The following SIAH3 variants were observed in gnomAD, a reference collection of about 807,000 sequenced individuals.
The protein encoded by SIAH3 is siah E3 ubiquitin protein ligase family member 3, also known as seven in absentia homolog 3.
SIAH3 carries 9 observed loss-of-function variants against 12.6 expected under a neutral mutation model. The observed-to-expected ratio is 0.72, with a 90% CI of 0.43 to 1.25. SIAH3 has a LOEUF of 1.25. Ranked by LOEUF, SIAH3 falls within the 50% of genes most tolerant of loss-of-function variation. The pLI, the probability that SIAH3 is intolerant of heterozygous loss-of-function variation, is 0.00. For synonymous variants in SIAH3, 154 were observed against 151.1 expected (o/e 1.02, Z -0.14); for missense variants, 390 against 365.4 (o/e 1.07, Z -0.55).
intron 1 of SIAH3, among the ~76,000 whole-genome samples, chr13:45,825,046 G>A (rs1397923661): frequency 6.6e-6 from 1 of 151,980 alleles, no homozygotes; most frequent in Non-Finnish European, 1.5e-5. Context: ...CAGTATCGTG[G>A]GTGCTTAATA....
At chr13:45,847,064 C>A (rs567596114) in intron 1 of SIAH3, among the ~76,000 whole-genome samples, 15 of 152,320 alleles carry the variant, frequency 9.8e-5, no homozygotes, top group Admixed American at 3.9e-4. Context: ...TACCCTTTAT[C>A]CAGCCCCTCT....
In SIAH3 at chr13:45,780,378, C is replaced by G. The variant is rs774103833; in HGVS notation, c.*3005G>C. 2.6e-5 allele frequency: 4 copies of G among 152,182 alleles called. No individual in the cohort carries two copies. Among genetic ancestry groups the G allele is most frequent in the East Asian group, 3.9e-4 (2 of 5,192 alleles). 9.4% of individuals were successfully genotyped at this position (152,182 alleles called of 1,614,324 possible). On this transcript the variant is annotated 3_prime_UTR_variant, in exon 2 of 2. Coordinates refer to ENST00000400405, the MANE Select transcript of SIAH3 (RefSeq NM_198849.3). The stretch of plus-strand genomic sequence containing the variant: ...CCTCAACCTCCTGGGCTCAAGCCAT[C>G]CCCCTGTCTTGGCCTCCGAGTAGTT...
intron 1 of SIAH3, among the ~76,000 whole-genome samples, chr13:45,821,030 C>T (rs958613829): frequency 1.3e-5 from 2 of 152,174 alleles, no homozygotes; most frequent in African/African-American, 4.8e-5. Context: ...GAATAGTCTC[C>T]CAAAAAGATG....
chr13:45,849,343 T>C (rs1236216584), intron 1 of SIAH3, among the ~76,000 whole-genome samples: 1 of 152,210 alleles, frequency 6.6e-6, no homozygotes, highest in African/African-American at 2.4e-5. Flanking sequence ...AAAGCATACG[T>C]CATCCATTTT....
intron 1 of SIAH3, among the ~76,000 whole-genome samples, chr13:45,796,932 G>C (rs926592646): frequency 3.9e-5 from 6 of 152,110 alleles, no homozygotes; most frequent in Non-Finnish European, 8.8e-5. Context: ...AAAATCTTAG[G>C]CTTGGGGGGC....
At chr13:45,815,877 C>T (rs1421127361) in intron 1 of SIAH3, among the ~76,000 whole-genome samples, 1 of 152,252 alleles carries the variant, frequency 6.6e-6, no homozygotes, top group Non-Finnish European at 1.5e-5. Flanking sequence ...GTTAAGGTGA[C>T]ATGGCAGTAC....
intron 1 of SIAH3, among the ~76,000 whole-genome samples, chr13:45,842,267 C>T (rs1046143548): frequency 1.3e-5 from 2 of 152,172 alleles, no homozygotes; most frequent in African/African-American, 4.8e-5. Context: ...GCAGGACTCA[C>T]CTACTAGTAA....
intron 1 of SIAH3, among the ~76,000 whole-genome samples, chr13:45,810,956 G>A (rs148235761): frequency 2.0e-5 from 3 of 152,294 alleles, no homozygotes; most frequent in Non-Finnish European, 4.4e-5. Flanking sequence ...GGCTTCCATG[G>A]ACATGTGGTT....
chr13:45,810,210 A>C (rs1219327958), intron 1 of SIAH3, among the ~76,000 whole-genome samples: 1 of 152,190 alleles, frequency 6.6e-6, no homozygotes, highest in Non-Finnish European at 1.5e-5. Flanking sequence ...GACTACCCAA[A>C]GGAGATCAGA....
chr13:45,839,263 G>T (rs1593388422), intron 1 of SIAH3, among the ~76,000 whole-genome samples: 2 of 150,992 alleles, frequency 1.3e-5, no homozygotes, highest in South Asian at 4.2e-4. Context: ...TAGAGAAAAA[G>T]CAGCCTGTTT....
rs369241151 is a variant in SIAH3 at position 45,820,602 on chromosome 13, G to A, written c.135+30893C>T. 8.9e-4 allele frequency among the ~76,000 whole-genome samples: 135 copies of A among 152,228 alleles called. 1 individual carries two copies. The highest frequency in any genetic ancestry group is 3.4e-3 in the Middle Eastern group (1 of 294). On this transcript the variant is annotated intron_variant, in intron 1 of 1. Transcript: ENST00000400405. ...GTGGGTGGTAGAGCCAGGCAATTTC[G>A]GAGGACTATTGAACAGCAGCATTCC... is the stretch of plus-strand genomic sequence containing the variant.
At chr13:45,805,271 A>G (rs1441804777) in intron 1 of SIAH3, among the ~76,000 whole-genome samples, 4 of 152,106 alleles carry the variant, frequency 2.6e-5, no homozygotes, top group African/African-American at 9.7e-5. Context: ...GAATAGCCAA[A>G]GCAATATGAA....
rs1336959635 is a variant in SIAH3 at position 45,778,133 on chromosome 13, C to T, written c.*5250G>A. The T allele has an allele frequency of 6.6e-6, 1 of 152,154 alleles. No homozygotes were observed. Among genetic ancestry groups the T allele is most frequent in the Non-Finnish European group, 1.5e-5 (1 of 68,026 alleles). The allele number at this position is 152,154 out of a possible 1,614,324, so 9.4% of individuals were successfully genotyped here. A position where few individuals can be genotyped will look rare whatever the true frequency, so the allele number is the denominator to read the frequency against. On this transcript the variant is annotated 3_prime_UTR_variant, in exon 2 of 2. Transcript: ENST00000400405. ...ATGTTTTCTGTCCCTCAGCTTCATG[C>T]TTTACGGGGGTCCCACTTTTGTGAT...
intron 1 of SIAH3, among the ~76,000 whole-genome samples, chr13:45,794,704 G>A (rs1950556912): frequency 1.3e-5 from 2 of 152,108 alleles, no homozygotes; most frequent in Non-Finnish European, 2.9e-5. Flanking sequence ...CCTTGATTGT[G>A]AGGCCTCCCC....
intron 1 of SIAH3, among the ~76,000 whole-genome samples, chr13:45,817,835 T>C (rs934597716): frequency 6.6e-6 from 1 of 152,206 alleles, no homozygotes; most frequent in Non-Finnish European, 1.5e-5. Context: ...ATTCTAGAGA[T>C]GAAAATCTGG....
intron 1 of SIAH3, among the ~76,000 whole-genome samples, chr13:45,788,692 A>G (rs1000076733): frequency 2.0e-5 from 3 of 152,156 alleles, no homozygotes; most frequent in African/African-American, 7.2e-5. Flanking sequence ...TGGAAATACT[A>G]CATGACCCTT....
intron 1 of SIAH3, among the ~76,000 whole-genome samples, chr13:45,806,667 A>G (rs1194560573): frequency 6.6e-6 from 1 of 152,186 alleles, no homozygotes; most frequent in African/African-American, 2.4e-5. Context: ...AGCCTTAGTG[A>G]CACGTCATTT....
rs147427048 is a variant in SIAH3, at chr13:45,796,156, T to A, written c.136-12099A>T. Among the ~76,000 whole-genome samples the A allele has an allele frequency of 5.1e-3, 770 of 152,300 alleles. 4 individuals carry two copies. Among genetic ancestry groups the A allele is most frequent in the African/African-American group, 0.018 (733 of 41,550 alleles). On this transcript the variant is annotated intron_variant, in intron 1 of 1. Transcript: ENST00000400405. Reference sequence around the variant, plus strand: ...GATGGGTGGTGGCTCTATGGATATGTGATTTTATATATATATATGTGTGTA... The same window carrying A: ...GATGGGTGGTGGCTCTATGGATATGAGATTTTATATATATATATGTGTGTA...
At position 45,851,117 on chromosome 13, in the gene SIAH3, T is replaced by G. The variant is rs1213143604; in HGVS notation, c.135+378A>C. ...CCCAACACATGGGACAGAGAGAATT[T>G]GGCTAACTTCAAATCCTGTCTCCTG... On this transcript the variant is annotated intron_variant, in intron 1 of 1. Coordinates refer to ENST00000400405, the MANE Select transcript of SIAH3 (RefSeq NM_198849.3). 4.7e-5 allele frequency among the ~76,000 whole-genome samples: 7 copies of G among 150,422 alleles called. No homozygotes were observed. The Admixed American group carries it at 4.7e-4, about 10-fold the overall frequency.
Sources: gnomAD v4.1 joint callset for allele counts (sites outside exome capture counted in the v4.1 genomes callset) on GRCh38, gnomAD v4.1.1 for gene constraint, MANE v1.5 for transcripts, NCBI Gene and HGNC (gene_info 2026-07-23, HGNC 2026-07-21) for gene names.